Variants in KIAA1217 observed in about 807,000 individuals in gnomAD.
The protein encoded by KIAA1217 is sickle tail protein homolog.
A neutral mutation model predicts 163.9 loss-of-function variants in KIAA1217; 88 were observed. That is an observed-to-expected ratio of 0.54 (90% CI 0.45 to 0.64). KIAA1217 has a LOEUF of 0.64. Among genes scored for constraint, KIAA1217 ranks in the 30% least tolerant of loss-of-function variants. The pLI, the probability that KIAA1217 is intolerant of heterozygous loss-of-function variation, is 0.00. For synonymous variants in KIAA1217, 903 were observed against 923.1 expected (o/e 0.98, Z 0.39); for missense variants, 2,372 against 2,475.0 (o/e 0.96, Z 0.88).
intron 1 of KIAA1217, among the ~76,000 whole-genome samples, chr10:23,984,767 T>G (rs11818033): frequency 0.22 from 30,614 of 141,802 alleles, 3,409 homozygotes; most frequent in Middle Eastern, 0.3. Flanking sequence ...TGTCAGGGGT[T>G]GGGGGCAAGG....
chr10:24,439,648 T>TAC (rs1321768289), intron 5 of KIAA1217, among the ~76,000 whole-genome samples: 37 of 141,846 alleles, frequency 2.6e-4, no homozygotes, highest in African/African-American at 1.0e-3. Context: ...GGAGAATCTT[T>TAC]TCTTTTTTTT....
chr10:24,409,997 CTTTT>C (rs71397947), intron 3 of KIAA1217, among the ~76,000 whole-genome samples: 2 of 123,866 alleles, frequency 1.6e-5, no homozygotes, highest in Non-Finnish European at 1.7e-5. Context: ...TTTCTTTTTT[CTTTT>C]TTTTTTTTTT....
chr10:23,749,916 A>G (rs891864175), intron 1 of KIAA1217, among the ~76,000 whole-genome samples: 3 of 152,198 alleles, frequency 2.0e-5, no homozygotes, highest in African/African-American at 7.2e-5. Flanking sequence ...AACTAAATGC[A>G]ATATACCAAC....
At chr10:23,990,787 T>A (rs1212640228) in intron 1 of KIAA1217, among the ~76,000 whole-genome samples, 1 of 152,126 alleles carries the variant, frequency 6.6e-6, no homozygotes, top group Non-Finnish European at 1.5e-5. Context: ...CTACAAAGGG[T>A]CCTAGTTAAA....
intron 2 of KIAA1217, among the ~76,000 whole-genome samples, chr10:24,259,081 G>A (rs1323415775): frequency 6.6e-6 from 1 of 152,100 alleles, no homozygotes; most frequent in Non-Finnish European, 1.5e-5. Context: ...CAACTGTGAT[G>A]AGATTCCAGC....
intron 1 of KIAA1217, among the ~76,000 whole-genome samples, chr10:23,891,907 G>C (rs1019278436): frequency 2.6e-5 from 4 of 151,846 alleles, no homozygotes; most frequent in African/African-American, 7.2e-5. Context: ...AGTCCACTGG[G>C]TACATTAAGT....
chr10:24,142,858 T>C (rs1001336053), intron 2 of KIAA1217, among the ~76,000 whole-genome samples: 3 of 152,078 alleles, frequency 2.0e-5, no homozygotes, highest in Admixed American at 6.5e-5. Flanking sequence ...TTCTTGATAA[T>C]AAAAGACAGG....
chr10:23,781,006 A>T (rs1835234915), intron 1 of KIAA1217, among the ~76,000 whole-genome samples: 1 of 152,090 alleles, frequency 6.6e-6, no homozygotes, highest in South Asian at 2.1e-4. Context: ...CCACTTATTT[A>T]TAGACAGCCA....
At chr10:23,757,341 T>C (rs879603644) in intron 1 of KIAA1217, among the ~76,000 whole-genome samples, 3 of 152,128 alleles carry the variant, frequency 2.0e-5, no homozygotes, top group Non-Finnish European at 2.9e-5. Flanking sequence ...CCATCAGCAT[T>C]GCACAAGGGT....
intron 1 of KIAA1217, among the ~76,000 whole-genome samples, chr10:23,768,903 G>A (rs564466303): frequency 2.0e-5 from 3 of 152,310 alleles, no homozygotes; most frequent in African/African-American, 7.2e-5. Flanking sequence ...CCAGGCCAGA[G>A]AGTGTAATAA....
chr10:23,702,696 CACACACACACACAAA>C (rs1836544423), intron 1 of KIAA1217, among the ~76,000 whole-genome samples: 1 of 151,368 alleles, frequency 6.6e-6, no homozygotes, highest in African/African-American at 2.4e-5. Flanking sequence ...CACACACACA[CACACACACACACAAA>C]TATATTGTAT....
intron 1 of KIAA1217, among the ~76,000 whole-genome samples, chr10:23,841,741 T>A (rs1332530473): frequency 6.6e-6 from 1 of 152,104 alleles, no homozygotes. Flanking sequence ...AATTTATTAT[T>A]ATAATGTTGA....
At chr10:23,758,686 CTTT>C (rs34055872) in intron 1 of KIAA1217, among the ~76,000 whole-genome samples, 25 of 59,872 alleles carry the variant, frequency 4.2e-4, no homozygotes, top group East Asian at 3.3e-3. Flanking sequence ...TTCTTTCTTT[CTTT>C]TTTTTTTTTT....
rs188526357 is a variant in KIAA1217 at position 23,763,847 on chromosome 10, A to G, written c.-321+68613A>G. Among the ~76,000 whole-genome samples the G allele has an allele frequency of 1.2e-3, 188 of 152,318 alleles. 1 individual carries two copies. Among genetic ancestry groups the G allele is most frequent in the Middle Eastern group, 0.01 (3 of 294 alleles). On this transcript the variant is annotated intron_variant, in intron 1 of 18. Coordinates refer to the KIAA1217 transcript ENST00000376462. ...GGGAATTGATAAATAAAAGAGATTTATTTGGCTTCCAAAAAAACCCACTAA... is the reference window on the plus strand; with the variant it reads ...GGGAATTGATAAATAAAAGAGATTTGTTTGGCTTCCAAAAAAACCCACTAA...
At chr10:24,303,286 G>A (rs1252531218) in intron 2 of KIAA1217, among the ~76,000 whole-genome samples, 1 of 152,106 alleles carries the variant, frequency 6.6e-6, no homozygotes, top group East Asian at 1.9e-4. Flanking sequence ...TAAGTGCTAG[G>A]ATTACAGGCA....
intron 1 of KIAA1217, among the ~76,000 whole-genome samples, chr10:23,850,214 C>G (rs530479882): frequency 1.3e-5 from 2 of 152,114 alleles, no homozygotes; most frequent in African/African-American, 4.8e-5. Context: ...GAATAGTTCA[C>G]TCCATGGTTA....
Position 24,533,247 on chromosome 10 carries a change from T to A in KIAA1217, c.3414+10T>A. ...AATGGCAGAACTCCAGGTATGTGGA[T>A]GAGGTGACTGACATTGGCTCCTTGC... On this transcript the variant is annotated intron_variant, in intron 16 of 20. Coordinates refer to ENST00000376454, the MANE Select transcript of KIAA1217 (RefSeq NM_019590.5). The A allele has an allele frequency of 6.3e-7, 1 of 1,598,012 alleles. No homozygotes were observed. Among genetic ancestry groups the A allele is most frequent in the Non-Finnish European group, 8.5e-7 (1 of 1,170,668 alleles).
chr10:24,129,352 C>T (rs2131802906), intron 2 of KIAA1217, among the ~76,000 whole-genome samples: 1 of 152,158 alleles, frequency 6.6e-6, no homozygotes, highest in African/African-American at 2.4e-5. Context: ...TTGCTAAAAT[C>T]AGGGGTAGGA....
intron 2 of KIAA1217, among the ~76,000 whole-genome samples, chr10:24,199,570 C>G (rs1013362932): frequency 6.6e-6 from 1 of 152,298 alleles, no homozygotes; most frequent in African/African-American, 2.4e-5. Flanking sequence ...TCACTGTTTC[C>G]TTTTCTTCAG....
Sources: allele counts gnomAD v4.1 joint callset (sites outside exome capture counted in the v4.1 genomes callset), GRCh38; gene constraint gnomAD v4.1.1; transcripts MANE v1.5; gene names NCBI Gene and HGNC (gene_info 2026-07-23, HGNC 2026-07-21).